Variants in SAMD5 observed in about 807,000 individuals in gnomAD.
SAMD5 encodes sterile alpha motif domain containing 5.
A neutral mutation model predicts 11.3 loss-of-function variants in SAMD5; 13 were observed. The ratio of observed to expected loss-of-function variants is 1.15; its 90% CI spans 0.75 to 1.83. SAMD5 has a LOEUF of 1.83. Ranked by LOEUF, SAMD5 falls within the 40% of genes most tolerant of loss-of-function variation. The pLI is 0.00. For synonymous variants in SAMD5, 129 were observed against 111.3 expected (o/e 1.16, Z -1.00); for missense variants, 255 against 239.1 (o/e 1.07, Z -0.44).
chr6:147,651,845 A>G (rs2128453444), intron 1 of SAMD5, among the ~76,000 whole-genome samples: 1 of 152,306 alleles, frequency 6.6e-6, no homozygotes, highest in African/African-American at 2.4e-5. Context: ...TCTTTTACCA[A>G]CTGTGTCATT....
chr6:147,830,251 C>CTTTTTTTT, the SAMD5 span, among the ~76,000 whole-genome samples: 643 of 84,836 alleles, frequency 7.6e-3, no homozygotes, highest in Non-Finnish European at 9.8e-3. Flanking sequence ...TTCTTTCTTT[C>CTTTTTTTT]TTTTTTTTTT....
intron 1 of SAMD5, among the ~76,000 whole-genome samples, chr6:147,559,910 A>G (rs963097805): frequency 2.0e-5 from 3 of 152,166 alleles, no homozygotes; most frequent in African/African-American, 7.2e-5. Context: ...AGCCTTCCCC[A>G]TTGTAGAAGC....
chr6:147,553,378 G>A (rs1788803791), intron 1 of SAMD5, among the ~76,000 whole-genome samples: 1 of 152,170 alleles, frequency 6.6e-6, no homozygotes, highest in Non-Finnish European at 1.5e-5. Context: ...GACTGCTGGG[G>A]AATACCTAGA....
the SAMD5 span, among the ~76,000 whole-genome samples, chr6:147,761,350 G>A: frequency 4.6e-5 from 7 of 152,066 alleles, no homozygotes; most frequent in East Asian, 1.9e-4. Context: ...ATTCTGTTTC[G>A]TTGTGAAATC....
chr6:147,748,774 C>G, the SAMD5 span, among the ~76,000 whole-genome samples: 1 of 152,114 alleles, frequency 6.6e-6, no homozygotes, highest in Non-Finnish European at 1.5e-5. Context: ...ACAGTAATTC[C>G]CTAAAAAAGC....
the SAMD5 span, among the ~76,000 whole-genome samples, chr6:147,922,144 C>A: frequency 2.6e-5 from 4 of 152,092 alleles, no homozygotes; most frequent in Non-Finnish European, 4.4e-5. Context: ...CGCTCTGAGT[C>A]CCCAGGGCCC....
Position 147,569,241 on chromosome 6 carries a change from GAA to G in SAMD5, c.*4790_*4791del. The G allele has an allele frequency of 3.2e-6, 1 of 317,140 alleles. No individual in the cohort carries two copies. The highest frequency in any genetic ancestry group is 4.5e-6 in the Non-Finnish European group (1 of 222,246). 19.6% of individuals were successfully genotyped at this position (317,140 alleles called of 1,614,324 possible). A position where few individuals can be genotyped will look rare whatever the true frequency, so the allele number is the denominator to read the frequency against. On this transcript the variant is annotated 3_prime_UTR_variant, in exon 2 of 2. Coordinates refer to ENST00000367474, the MANE Select transcript of SAMD5 (RefSeq NM_001030060.3). ...GTCTAAAAAAAAAAAAAAAAGAAAA[GAA>G]AAAAGAAAAATTGAAGAACATAACT...
the SAMD5 span, among the ~76,000 whole-genome samples, chr6:147,816,722 T>C: frequency 6.6e-6 from 1 of 152,148 alleles, no homozygotes; most frequent in Non-Finnish European, 1.5e-5. Context: ...AAAGAAGTCC[T>C]CCTTCAGGAA....
intron 1 of SAMD5, among the ~76,000 whole-genome samples, chr6:147,589,303 T>C (rs958708495): frequency 2.6e-5 from 4 of 152,154 alleles, no homozygotes; most frequent in Non-Finnish European, 5.9e-5. Context: ...TTCAAAAGTT[T>C]AGACAGTAAT....
the SAMD5 span, among the ~76,000 whole-genome samples, chr6:147,842,290 A>G: frequency 1.3e-5 from 2 of 152,100 alleles, no homozygotes; most frequent in African/African-American, 4.8e-5. Context: ...CTCCAAAGTG[A>G]AAAACCTCAG....
chr6:147,625,775 A>G (rs1790041515), intron 1 of SAMD5, among the ~76,000 whole-genome samples: 2 of 152,190 alleles, frequency 1.3e-5, no homozygotes, highest in Non-Finnish European at 2.9e-5. Flanking sequence ...CTTCAAACCT[A>G]AAGTATTTAC....
chr6:147,861,171 C>CTTT, the SAMD5 span, among the ~76,000 whole-genome samples: 2 of 146,582 alleles, frequency 1.4e-5, no homozygotes, highest in African/African-American at 5.0e-5. Context: ...GTGATTATTT[C>CTTT]TTTTTTTTTT....
chr6:147,582,507 T>A (rs1583094300), intron 1 of SAMD5, among the ~76,000 whole-genome samples: 2 of 152,298 alleles, frequency 1.3e-5, no homozygotes, highest in South Asian at 4.1e-4. Flanking sequence ...AATGTAAACG[T>A]TCTCATAAAA....
the SAMD5 span, among the ~76,000 whole-genome samples, chr6:147,879,815 C>T: frequency 6.6e-6 from 1 of 152,108 alleles, no homozygotes; most frequent in Non-Finnish European, 1.5e-5. Context: ...GCTGATGGAA[C>T]GTTGTATGTA....
chr6:147,622,120 G>C (rs1263441438), intron 1 of SAMD5, among the ~76,000 whole-genome samples: 1 of 152,088 alleles, frequency 6.6e-6, no homozygotes, highest in African/African-American at 2.4e-5. Flanking sequence ...CCAAAGATAG[G>C]CAGGGTACAG....
chr6:147,568,745 T>C lies in SAMD5; in HGVS notation c.*4289T>C. The C allele has an allele frequency of 1.0e-6, 1 of 978,544 alleles. No homozygotes were observed. The highest frequency in any genetic ancestry group is 1.2e-6 in the Non-Finnish European group (1 of 823,684). 60.6% of individuals were successfully genotyped at this position (978,544 alleles called of 1,614,324 possible). A position where few individuals can be genotyped will look rare whatever the true frequency, so the allele number is the denominator to read the frequency against. The stretch of plus-strand genomic sequence containing the variant: ...CTCTTATTAGCTCCCTCAGTTGTCA[T>C]CAATTACATATTCCTACATCAGATA... On this transcript the variant is annotated 3_prime_UTR_variant, in exon 2 of 2. Transcript: ENST00000367474.
chr6:147,786,461 C>G, the SAMD5 span, among the ~76,000 whole-genome samples: 1 of 152,138 alleles, frequency 6.6e-6, no homozygotes, highest in Non-Finnish European at 1.5e-5. Flanking sequence ...CTCATATACT[C>G]CCTTGTGGTA....
At position 147,583,818 on chromosome 6, in the gene SAMD5, A is replaced by AACACACACACACACACACACACAC. The variant is rs3032052; in HGVS notation, c.162+74433_162+74456dup. Among the ~76,000 whole-genome samples, 36 of 149,488 alleles carry AACACACACACACACACACACACAC rather than the reference A, an allele frequency of 2.4e-4. 2 individuals carry two copies. The South Asian group carries it at 6.2e-3, about 26-fold the overall frequency. ...AAAAGGGAAAAAAGTGGAATTTTCA[A>AACACACACACACACACACACACAC]ACACACACACACACACACACACACA... On this transcript the variant is annotated intron_variant, in intron 1 of 1. Coordinates refer to the SAMD5 transcript ENST00000566741.
At chr6:147,814,167 C>T in the SAMD5 span, among the ~76,000 whole-genome samples, 4 of 152,234 alleles carry the variant, frequency 2.6e-5, no homozygotes, top group Middle Eastern at 3.4e-3. Flanking sequence ...TAGTATGCTT[C>T]ATTTTTTGCT....
Sources: allele counts gnomAD v4.1 joint callset (sites outside exome capture counted in the v4.1 genomes callset), GRCh38; gene constraint gnomAD v4.1.1; transcripts MANE v1.5; gene names NCBI Gene and HGNC (gene_info 2026-07-23, HGNC 2026-07-21).